The following THSD7B variants were observed in gnomAD, a reference collection of about 807,000 sequenced individuals.
The protein encoded by THSD7B is thrombospondin type 1 domain containing 7B.
In THSD7B, 138 loss-of-function variants were observed where a neutral mutation model predicts 213.6. That is an observed-to-expected ratio of 0.65 (90% CI 0.56 to 0.74). The LOEUF is 0.74. Ranked by LOEUF, THSD7B falls within the 30% of genes least tolerant of loss-of-function variation. THSD7B has a pLI of 0.00. For synonymous variants in THSD7B, 742 were observed against 687.0 expected (o/e 1.08, Z -1.25); for missense variants, 1,931 against 1,991.5 (o/e 0.97, Z 0.58).
chr2:137,643,188 C>T (rs375105591), intron 21 of THSD7B, among the ~76,000 whole-genome samples: 6 of 152,168 alleles, frequency 3.9e-5, no homozygotes, highest in Non-Finnish European at 1.5e-5. Flanking sequence ...TAGTATATCA[C>T]GTACCAAGAG....
intron 7 of THSD7B, among the ~76,000 whole-genome samples, chr2:137,203,208 A>C (rs1249431300): frequency 6.6e-6 from 1 of 152,146 alleles, no homozygotes; most frequent in Non-Finnish European, 1.5e-5. Context: ...CTAGAAAAGT[A>C]AATAATAATT....
chr2:136,939,759 A>G (rs1050988461), intron 2 of THSD7B, among the ~76,000 whole-genome samples: 2 of 152,154 alleles, frequency 1.3e-5, no homozygotes, highest in East Asian at 3.8e-4. Context: ...CACAGGCACA[A>G]ATTATACCCT....
At chr2:137,279,008 G>A (rs1276476878) in intron 12 of THSD7B, among the ~76,000 whole-genome samples, 1 of 152,002 alleles carries the variant, frequency 6.6e-6, no homozygotes, top group African/African-American at 2.4e-5. Flanking sequence ...TTTAGTGAAG[G>A]GACCTGGGAG....
In THSD7B at chr2:137,575,947, T is replaced by C. The variant is rs564700126; in HGVS notation, c.3423+3391T>C. Among the ~76,000 whole-genome samples the C allele has an allele frequency of 5.9e-5, 9 of 152,152 alleles. No individual in the cohort carries two copies. The East Asian group carries it at 1.7e-3, about 29-fold the overall frequency. On this transcript the variant is annotated intron_variant, in intron 17 of 27. Transcript: ENST00000409968. ...TCATTACTTACCACCCAATGTTCTC[T>C]TTTACCTAACTAATTTTTTCCAGTT...
intron 15 of THSD7B, among the ~76,000 whole-genome samples, chr2:137,499,841 G>C (rs986237546): frequency 6.6e-6 from 1 of 152,138 alleles, no homozygotes; most frequent in African/African-American, 2.4e-5. Flanking sequence ...GGACTATCAG[G>C]AATTCTTGGA....
At chr2:137,088,923 A>T (rs945202376) in intron 3 of THSD7B, among the ~76,000 whole-genome samples, 4 of 152,204 alleles carry the variant, frequency 2.6e-5, no homozygotes, top group African/African-American at 7.2e-5. Flanking sequence ...ACAATGGGAT[A>T]TCACCTTACT....
intron 21 of THSD7B, among the ~76,000 whole-genome samples, chr2:137,649,152 A>G (rs1683092468): frequency 6.6e-6 from 1 of 151,900 alleles, no homozygotes; most frequent in South Asian, 2.1e-4. Context: ...TCTTTGAACT[A>G]TTTATTTATT....
chr2:137,094,438 G>T (rs1239604115), intron 3 of THSD7B, among the ~76,000 whole-genome samples: 1 of 152,124 alleles, frequency 6.6e-6, no homozygotes. Context: ...GGGCATGGTG[G>T]TGTGTTTCTG....
intron 12 of THSD7B, among the ~76,000 whole-genome samples, chr2:137,289,814 G>A (rs777696829): frequency 6.6e-6 from 1 of 151,974 alleles, no homozygotes; most frequent in Non-Finnish European, 1.5e-5. Context: ...AAAAAAGAGT[G>A]GGGTAAATAT....
intron 1 of THSD7B, among the ~76,000 whole-genome samples, chr2:136,800,591 G>C (rs915664457): frequency 6.6e-6 from 1 of 151,928 alleles, no homozygotes; most frequent in Non-Finnish European, 1.5e-5. Flanking sequence ...TTAATGTATT[G>C]TTCAACTTGC....
rs536790719 is a variant in THSD7B at position 136,874,704 on chromosome 2, A to AACT, written c.-35-7439_-35-7437dup. Among the ~76,000 whole-genome samples the AACT allele has an allele frequency of 1.6e-4, 25 of 152,348 alleles. No individual in the cohort carries two copies. In the East Asian group the frequency reaches 2.3e-3, roughly 14 times the overall value. On this transcript the variant is annotated intron_variant, in intron 1 of 27. Coordinates refer to ENST00000409968, the MANE Select transcript of THSD7B (RefSeq NM_001316349.2). ...CTCAATGGCCTTTCATTGATTAGAA[A>AACT]ACTGAGGCTAAAAGGAGAAACTGTG...
intron 5 of THSD7B, among the ~76,000 whole-genome samples, chr2:137,126,426 A>C (rs1688629209): frequency 6.6e-6 from 1 of 151,794 alleles, no homozygotes. Flanking sequence ...TTAGGAACCA[A>C]CCTCTGCTAG....
At chr2:137,098,596 G>C (rs958718146) in intron 4 of THSD7B, among the ~76,000 whole-genome samples, 5 of 152,060 alleles carry the variant, frequency 3.3e-5, no homozygotes, top group Non-Finnish European at 1.5e-5. Flanking sequence ...GATTTGAGGA[G>C]GTAGGAAAAT....
chr2:137,533,528 T>C (rs558128262), intron 15 of THSD7B, among the ~76,000 whole-genome samples: 4 of 152,112 alleles, frequency 2.6e-5, no homozygotes, highest in Admixed American at 2.0e-4. Flanking sequence ...GTTGTTATTA[T>C]TGTTTTGTTG....
intron 10 of THSD7B, among the ~76,000 whole-genome samples, chr2:137,259,471 G>T (rs559413060): frequency 2.6e-5 from 4 of 152,160 alleles, no homozygotes; most frequent in Non-Finnish European, 4.4e-5. Flanking sequence ...TTTGTTGGCT[G>T]CATAAATATC....
In THSD7B at chr2:136,841,593, C is replaced by CAAAA. The variant is rs534991799; in HGVS notation, c.-35-40535_-35-40532dup. 1.8e-3 allele frequency among the ~76,000 whole-genome samples: 169 copies of CAAAA among 93,116 alleles called. 3 individuals are homozygous for CAAAA. Among genetic ancestry groups the CAAAA allele is most frequent in the African/African-American group, 2.5e-3 (60 of 23,814 alleles). The allele number at this position is 93,116 out of a possible 152,430, so 61.1% of individuals were successfully genotyped here. ...GCCTGGTGACAGAGCAAGACTCCAT[C>CAAAA]AAAAAAAAAAAAAAAAAAAGAGGAA... On this transcript the variant is annotated intron_variant, in intron 1 of 27. Transcript: ENST00000409968.
intron 12 of THSD7B, among the ~76,000 whole-genome samples, chr2:137,397,375 C>T (rs1251720602): frequency 6.6e-6 from 1 of 152,054 alleles, no homozygotes; most frequent in African/African-American, 2.4e-5. Context: ...GACAAAATCT[C>T]TCAGCATTTG....
chr2:137,609,882 G>C (rs956968734), intron 17 of THSD7B, among the ~76,000 whole-genome samples: 1 of 152,126 alleles, frequency 6.6e-6, no homozygotes, highest in South Asian at 2.1e-4. Flanking sequence ...AATGGTGAGA[G>C]GTAGATGGGT....
At chr2:137,506,530 T>C (rs1454914626) in intron 15 of THSD7B, among the ~76,000 whole-genome samples, 1 of 152,248 alleles carries the variant, frequency 6.6e-6, no homozygotes, top group South Asian at 2.1e-4. Flanking sequence ...TCTCTGTGAT[T>C]CTGACTCTCA....
Sources: gnomAD v4.1 joint callset for allele counts (sites outside exome capture counted in the v4.1 genomes callset) on GRCh38, gnomAD v4.1.1 for gene constraint, MANE v1.5 for transcripts, NCBI Gene and HGNC (gene_info 2026-07-23, HGNC 2026-07-21) for gene names.